Variants in MSRA observed in about 807,000 individuals in gnomAD.
MSRA encodes the protein methionine sulfoxide reductase A.
Under a neutral mutation model 31.3 loss-of-function variants are expected in MSRA, and 54 were observed. The observed-to-expected ratio is 1.73, with a 90% CI of 1.39 to 2.17. MSRA has a LOEUF of 2.17. Among genes scored for constraint, MSRA ranks in the 30% most tolerant of loss-of-function variants. MSRA has a pLI of 0.00. For synonymous variants in MSRA, 169 were observed against 116.5 expected, an observed-to-expected ratio of 1.45 and a Z score of -2.90; for missense variants, 507 against 300.9, an observed-to-expected ratio of 1.69 and a Z score of -5.07.
chr8:10,078,253 C>G (rs1798094839), intron 1 of MSRA, among the ~76,000 whole-genome samples: 1 of 152,224 alleles, frequency 6.6e-6, no homozygotes, highest in Non-Finnish European at 1.5e-5. Context: ...CCCTCCTCCT[C>G]CTTCCCTACT....
chr8:10,222,301 C>G, intron 2 of MSRA, among the ~76,000 whole-genome samples: 1 of 152,112 alleles, frequency 6.6e-6, no homozygotes, highest in East Asian at 1.9e-4. Flanking sequence ...TTTTCTATCC[C>G]TCTGTTTTGA....
At chr8:10,071,316 C>T (rs932544065) in intron 1 of MSRA, among the ~76,000 whole-genome samples, 3 of 152,144 alleles carry the variant, frequency 2.0e-5, no homozygotes, top group Non-Finnish European at 4.4e-5. Context: ...CGTTAAATGT[C>T]TTTGGTAGAC....
intron 1 of MSRA, among the ~76,000 whole-genome samples, chr8:10,055,038 C>T (rs531322159): frequency 6.6e-6 from 1 of 152,226 alleles, no homozygotes; most frequent in Non-Finnish European, 1.5e-5. Flanking sequence ...TTCTTGTCTC[C>T]TCTGCGCCGG....
chr8:10,134,773 C>T (rs949915559), intron 1 of MSRA, among the ~76,000 whole-genome samples: 2 of 152,206 alleles, frequency 1.3e-5, no homozygotes, highest in African/African-American at 2.4e-5. Context: ...CTAGACCAAA[C>T]GCTTGGTTGA....
At chr8:10,327,709 G>A (rs1331125803) in intron 5 of MSRA, among the ~76,000 whole-genome samples, 1 of 152,114 alleles carries the variant, frequency 6.6e-6, no homozygotes, top group Non-Finnish European at 1.5e-5. Flanking sequence ...CAAGGCAGGT[G>A]GATCATAAGG....
chr8:10,317,235 A>G lies in MSRA; in HGVS notation c.437-2648A>G, dbSNP rs896534586. Among the ~76,000 whole-genome samples, 7 of 152,310 alleles carry G rather than the reference A, an allele frequency of 4.6e-5. No individual in the cohort carries two copies. The South Asian group carries it at 8.3e-4, about 18-fold the overall frequency. On this transcript the variant is annotated intron_variant, in intron 4 of 5. Coordinates refer to ENST00000317173, the MANE Select transcript of MSRA (RefSeq NM_012331.5). The stretch of plus-strand genomic sequence containing the variant: ...CAGCCGGTAACTCCTGGGACCTCGT[A>G]AAGTGATCACCTAGCAACAACTCTT...
intron 5 of MSRA, among the ~76,000 whole-genome samples, chr8:10,395,161 G>A (rs919888188): frequency 2.0e-5 from 3 of 152,104 alleles, no homozygotes; most frequent in Non-Finnish European, 4.4e-5. Context: ...TTTGGTGGCC[G>A]GGGGGAAGAC....
chr8:10,207,419 A>G (rs907737965), intron 1 of MSRA, among the ~76,000 whole-genome samples: 1 of 152,194 alleles, frequency 6.6e-6, no homozygotes, highest in Non-Finnish European at 1.5e-5. Context: ...CACTTTAAAT[A>G]CTGAGTGCAT....
At chr8:10,070,201 A>G (rs1007110786) in intron 1 of MSRA, among the ~76,000 whole-genome samples, 15 of 152,198 alleles carry the variant, frequency 9.9e-5, no homozygotes, top group African/African-American at 3.6e-4. Flanking sequence ...AAAATGTCCT[A>G]TGGGTCTTTG....
chr8:10,336,511 T>A (rs1417389592), intron 5 of MSRA, among the ~76,000 whole-genome samples: 1 of 152,168 alleles, frequency 6.6e-6, no homozygotes, highest in Non-Finnish European at 1.5e-5. Context: ...GTATGGTTAT[T>A]TTTCCCTCTT....
intron 5 of MSRA, among the ~76,000 whole-genome samples, chr8:10,322,917 C>T (rs574319190): frequency 1.5e-4 from 23 of 152,116 alleles, no homozygotes; most frequent in African/African-American, 5.1e-4. Context: ...TGGTGAAACT[C>T]GGTCTCTACT....
intron 5 of MSRA, among the ~76,000 whole-genome samples, chr8:10,376,952 G>C (rs535619375): frequency 6.6e-6 from 1 of 152,192 alleles, no homozygotes; most frequent in African/African-American, 2.4e-5. Flanking sequence ...GTGTAAGCGG[G>C]GAAGGGATCA....
intron 3 of MSRA, among the ~76,000 whole-genome samples, chr8:10,286,365 C>T (rs770592365): frequency 9.9e-5 from 15 of 152,132 alleles, no homozygotes; most frequent in South Asian, 2.1e-4. Flanking sequence ...ATAAGTCTCA[C>T]GAGATCTCAT....
intron 3 of MSRA, among the ~76,000 whole-genome samples, chr8:10,256,529 G>A (rs896024745): frequency 1.3e-5 from 2 of 152,174 alleles, no homozygotes; most frequent in Non-Finnish European, 2.9e-5. Context: ...CTACCAGAGA[G>A]GATTTCTGCT....
intron 1 of MSRA, among the ~76,000 whole-genome samples, chr8:10,101,561 G>A (rs774059735): frequency 3.3e-5 from 5 of 152,046 alleles, no homozygotes; most frequent in Admixed American, 2.0e-4. Context: ...CAACAGAATC[G>A]TGGCAACCTT....
intron 2 of MSRA, among the ~76,000 whole-genome samples, chr8:10,212,944 G>A (rs1399888863): frequency 6.6e-6 from 1 of 152,132 alleles, no homozygotes; most frequent in East Asian, 1.9e-4. Flanking sequence ...TATGGGGCAT[G>A]TGAGATGTTT....
intron 3 of MSRA, among the ~76,000 whole-genome samples, chr8:10,265,983 C>G (rs35287467): frequency 0.19 from 28,943 of 152,208 alleles, 3,642 homozygotes; most frequent in Non-Finnish European, 0.28. Context: ...GATGAAGCAT[C>G]CTTTTCCCTG....
At chr8:10,087,946 GT>G (rs1798653046) in intron 1 of MSRA, among the ~76,000 whole-genome samples, 2 of 152,142 alleles carry the variant, frequency 1.3e-5, no homozygotes, top group South Asian at 4.1e-4. Flanking sequence ...AGTAATTGCG[GT>G]TTTTGCCATT....
chr8:10,234,515 T>A (rs1293185250), intron 2 of MSRA, among the ~76,000 whole-genome samples: 1 of 151,686 alleles, frequency 6.6e-6, no homozygotes, highest in Non-Finnish European at 1.5e-5. Context: ...AAAAGACTAA[T>A]AGGAGAGAGA....
Sources: allele counts gnomAD v4.1 joint callset (sites outside exome capture counted in the v4.1 genomes callset), GRCh38; gene constraint gnomAD v4.1.1; transcripts MANE v1.5; gene names NCBI Gene and HGNC (gene_info 2026-07-23, HGNC 2026-07-21).